The following GRID1 variants were observed in gnomAD, a reference collection of about 807,000 sequenced individuals.
GRID1 encodes the protein glutamate ionotropic receptor delta type subunit 1.
A neutral mutation model predicts 98.0 loss-of-function variants in GRID1; 28 were observed. The observed-to-expected ratio is 0.29, with a 90% confidence interval of 0.21 to 0.39. GRID1 has a LOEUF of 0.39. Among genes scored for constraint, GRID1 ranks in the 10% least tolerant of loss-of-function variants. The pLI is 1.00. For missense variants in GRID1, 1,111 were observed against 1,340.5 expected (o/e 0.83, Z 2.67); for synonymous variants, 553 against 538.5 (o/e 1.03, Z -0.37).
At chr10:85,820,488 C>T (rs1338847790) in intron 8 of GRID1, among the ~76,000 whole-genome samples, 1 of 152,144 alleles carries the variant, frequency 6.6e-6, no homozygotes, top group Admixed American at 6.6e-5. Flanking sequence ...TCAAGGTCAT[C>T]GCCAAGGTCT....
chr10:85,932,770 A>G (rs1203734656), intron 4 of GRID1, among the ~76,000 whole-genome samples: 1 of 152,204 alleles, frequency 6.6e-6, no homozygotes, highest in East Asian at 1.9e-4. Context: ...GTTGTTGATG[A>G]CTAAGAACAC....
chr10:85,763,139 T>C (rs1364325798), intron 8 of GRID1, among the ~76,000 whole-genome samples: 1 of 152,156 alleles, frequency 6.6e-6, no homozygotes, highest in East Asian at 1.9e-4. Context: ...GACTAGAGTC[T>C]TGGTCTTTTT....
At chr10:86,003,171 A>G (rs576910161) in intron 4 of GRID1, among the ~76,000 whole-genome samples, 1 of 152,342 alleles carries the variant, frequency 6.6e-6, no homozygotes, top group East Asian at 1.9e-4. Context: ...GAAAATGCAT[A>G]CCTACAATGT....
chr10:85,743,824 G>C (rs1025856433), intron 8 of GRID1, among the ~76,000 whole-genome samples: 1 of 152,078 alleles, frequency 6.6e-6, no homozygotes, highest in Admixed American at 6.6e-5. Context: ...TCTAACTACT[G>C]AAGTGTCCAG....
intron 8 of GRID1, among the ~76,000 whole-genome samples, chr10:85,752,091 C>T (rs1842051588): frequency 1.3e-5 from 2 of 152,220 alleles, no homozygotes; most frequent in Non-Finnish European, 2.9e-5. Context: ...TAGAAAGAGT[C>T]GATGACCCTC....
intron 3 of GRID1, among the ~76,000 whole-genome samples, chr10:86,171,902 C>A (rs746020289): frequency 6.6e-6 from 1 of 152,072 alleles, no homozygotes; most frequent in Non-Finnish European, 1.5e-5. Context: ...AGTTAGAAAC[C>A]CTACGCGGCA....
rs541821209 is a variant in GRID1, at chr10:86,331,697, C to G, written c.235+32244G>C. On this transcript the variant is annotated intron_variant, in intron 2 of 15. Transcript: ENST00000327946. The stretch of plus-strand genomic sequence containing the variant: ...TGGGTCCCCAGCTCAGCAGTCACTT[C>G]TATCCCAGTTCTGGTCCCTGGGGCA... Among the ~76,000 whole-genome samples, 187 of 152,350 alleles carry G rather than the reference C, an allele frequency of 1.2e-3. 7 individuals carry two copies. The South Asian group carries it at 0.038, about 31-fold the overall frequency.
At chr10:85,615,959 C>G (rs1234124222) in intron 14 of GRID1, among the ~76,000 whole-genome samples, 2 of 152,182 alleles carry the variant, frequency 1.3e-5, no homozygotes, top group Admixed American at 1.3e-4. Flanking sequence ...AGGCTTGGAG[C>G]CTCTCAAATT....
intron 12 of GRID1, among the ~76,000 whole-genome samples, chr10:85,695,701 G>GA (rs1841385350): frequency 6.6e-6 from 1 of 152,144 alleles, no homozygotes; most frequent in Non-Finnish European, 1.5e-5. Flanking sequence ...GTAGGATACT[G>GA]ATGTGTATGA....
intron 8 of GRID1, among the ~76,000 whole-genome samples, chr10:85,790,679 C>G (rs541269036): frequency 6.6e-6 from 1 of 152,136 alleles, no homozygotes; most frequent in African/African-American, 2.4e-5. Flanking sequence ...TTGGTCCCCT[C>G]GCCTTCTGTC....
At chr10:85,816,398 C>T (rs1042183301) in intron 8 of GRID1, among the ~76,000 whole-genome samples, 1 of 152,114 alleles carries the variant, frequency 6.6e-6, no homozygotes. Flanking sequence ...ATAGATTTTG[C>T]TAAGTGAAAG....
intron 4 of GRID1, among the ~76,000 whole-genome samples, chr10:86,113,245 C>T (rs983577063): frequency 6.6e-6 from 1 of 152,180 alleles, no homozygotes; most frequent in Non-Finnish European, 1.5e-5. Flanking sequence ...ACCCCAACTC[C>T]TCGTCTAGCC....
In GRID1 at chr10:85,816,133, A is replaced by G. The variant is rs117394191; in HGVS notation, c.1233+38363T>C. 4.1e-3 allele frequency among the ~76,000 whole-genome samples: 630 copies of G among 152,286 alleles called. 4 individuals carry two copies. Among genetic ancestry groups the G allele is most frequent in the Non-Finnish European group, 5.9e-3 (398 of 67,980 alleles). ...AAGTTTGGCAGTTTCTTATGAAAAT[A>G]AATTATCTACTTATGACATGACCCA... On this transcript the variant is annotated intron_variant, in intron 8 of 15. Transcript: ENST00000327946.
At chr10:86,262,710 C>T (rs1288231595) in intron 2 of GRID1, among the ~76,000 whole-genome samples, 2 of 152,244 alleles carry the variant, frequency 1.3e-5, no homozygotes, top group East Asian at 3.8e-4. Flanking sequence ...GCCAACGACA[C>T]GCAAACCTAG....
chr10:85,887,514 C>A (rs1317577273), intron 5 of GRID1, among the ~76,000 whole-genome samples: 1 of 152,164 alleles, frequency 6.6e-6, no homozygotes, highest in Non-Finnish European at 1.5e-5. Context: ...AATGCAAAGT[C>A]TCAGGCCCCA....
At chr10:85,603,355 T>C (rs1312164384) in intron 15 of GRID1, among the ~76,000 whole-genome samples, 1 of 152,122 alleles carries the variant, frequency 6.6e-6, no homozygotes, top group African/African-American at 2.4e-5. Flanking sequence ...CGTGGGTTCC[T>C]GGGTGGAGAT....
At chr10:85,735,939 G>A (rs1410811700) in intron 8 of GRID1, among the ~76,000 whole-genome samples, 3 of 144,150 alleles carry the variant, frequency 2.1e-5, no homozygotes, top group Non-Finnish European at 3.0e-5. Flanking sequence ...GAGAAGGCAG[G>A]AGGGAGAGAA....
At chr10:86,091,855 T>C (rs552396577) in intron 4 of GRID1, among the ~76,000 whole-genome samples, 1 of 152,278 alleles carries the variant, frequency 6.6e-6, no homozygotes, top group African/African-American at 2.4e-5. Context: ...CCGGGTAGAC[T>C]CGCTGGGTAG....
chr10:86,027,214 C>A (rs1386122789), intron 4 of GRID1, among the ~76,000 whole-genome samples: 1 of 152,172 alleles, frequency 6.6e-6, no homozygotes, highest in Non-Finnish European at 1.5e-5. Context: ...TTTATCACCC[C>A]CAAAGGACAA....
Sources: gnomAD v4.1 joint callset for allele counts (sites outside exome capture counted in the v4.1 genomes callset) on GRCh38, gnomAD v4.1.1 for gene constraint, MANE v1.5 for transcripts, NCBI Gene and HGNC (gene_info 2026-07-23, HGNC 2026-07-21) for gene names.